KATNAL1: variants seen among roughly 807,000 people sequenced by gnomAD.
KATNAL1 encodes katanin catalytic subunit A1 like 1.
KATNAL1 carries 32 observed loss-of-function variants against 55.2 expected under a neutral mutation model. That is an observed-to-expected ratio of 0.58 (90% CI 0.44 to 0.78). The LOEUF (loss-of-function observed/expected upper bound fraction) is 0.78. Ranked by LOEUF, KATNAL1 falls within the 30% of genes least tolerant of loss-of-function variation. The pLI is 0.00. For missense variants in KATNAL1, 466 were observed against 600.9 expected (o/e 0.78, Z 2.35); for synonymous variants, 193 against 193.6 (o/e 1.00, Z 0.02).
intron 1 of KATNAL1, among the ~76,000 whole-genome samples, chr13:30,291,289 C>G (rs1428836377): frequency 3.3e-5 from 5 of 152,002 alleles, no homozygotes; most frequent in African/African-American, 7.2e-5. Context: ...TTTCCACATA[C>G]AAGAAATAAC....
intron 9 of KATNAL1, among the ~76,000 whole-genome samples, chr13:30,226,361 A>T (rs1484479156): frequency 2.6e-5 from 4 of 152,254 alleles, no homozygotes. Context: ...CCAAAAAACT[A>T]GGAATAACTT....
rs534863618 is a variant in KATNAL1, at chr13:30,206,899, T to C, written c.*1641A>G. The C allele has an allele frequency of 1.3e-5, 2 of 152,324 alleles. No homozygotes were observed. Among genetic ancestry groups the C allele is most frequent in the Non-Finnish European group, 2.9e-5 (2 of 68,018 alleles). The allele number at this position is 152,324 out of a possible 1,614,324, so 9.4% of individuals were successfully genotyped here. A position where few individuals can be genotyped will look rare whatever the true frequency, so the allele number is the denominator to read the frequency against. ...ATTACAATAAAATCATGATGTCTTA[T>C]GATCTGGCATCTTATAATCTGTGTC... On this transcript the variant is annotated 3_prime_UTR_variant, in exon 11 of 11. Coordinates refer to ENST00000380615, the MANE Select transcript of KATNAL1 (RefSeq NM_032116.5).
intron 4 of KATNAL1, among the ~76,000 whole-genome samples, chr13:30,242,737 T>C (rs946414536): frequency 6.6e-6 from 1 of 151,736 alleles, no homozygotes; most frequent in Non-Finnish European, 1.5e-5. Context: ...GCCAGTTAAA[T>C]GACCTGCCCG....
intron 3 of KATNAL1, among the ~76,000 whole-genome samples, chr13:30,279,106 T>C (rs1311825916): frequency 6.6e-6 from 1 of 152,204 alleles, no homozygotes; most frequent in East Asian, 1.9e-4. Context: ...GGTGCAATAC[T>C]CTGGCCATAA....
intron 2 of KATNAL1, among the ~76,000 whole-genome samples, 199 bp downstream of exon 2, chr13:30,283,417 C>T (rs377491015): frequency 1.3e-5 from 2 of 151,740 alleles, no homozygotes; most frequent in East Asian, 1.9e-4. Context: ...ACATCCCTCA[C>T]GAAATATATG....
chr13:30,258,449 ATTTTATTTTCAAC>A (rs1253626065), intron 3 of KATNAL1, among the ~76,000 whole-genome samples: 1 of 151,944 alleles, frequency 6.6e-6, no homozygotes, highest in Non-Finnish European at 1.5e-5. Context: ...TTATTTTTGC[ATTTTATTTTCAAC>A]TTTTATTTTA....
intron 9 of KATNAL1, among the ~76,000 whole-genome samples, chr13:30,219,700 G>C (rs929954099): frequency 6.6e-6 from 1 of 152,110 alleles, no homozygotes. Flanking sequence ...GCCCCTTGGG[G>C]AAAAAGCATT....
chr13:30,277,705 C>T (rs1008780821), intron 3 of KATNAL1, among the ~76,000 whole-genome samples: 3 of 152,072 alleles, frequency 2.0e-5, no homozygotes, highest in Admixed American at 6.5e-5. Flanking sequence ...TAATTCAGGC[C>T]GGGCACGGTG....
At chr13:30,259,472 C>A (rs1879071863) in intron 3 of KATNAL1, among the ~76,000 whole-genome samples, 1 of 152,202 alleles carries the variant, frequency 6.6e-6, no homozygotes, top group African/African-American at 2.4e-5. Context: ...GGGTTCATCT[C>A]ACTAGGGAGT....
intron 4 of KATNAL1, among the ~76,000 whole-genome samples, chr13:30,253,677 A>AAAAATGT (rs1878543511): frequency 6.6e-6 from 1 of 152,038 alleles, no homozygotes; most frequent in Non-Finnish European, 1.5e-5. Context: ...AAAAAAAAAA[A>AAAAATGT]AAAAAATGTA....
At chr13:30,222,699 G>A (rs148255357) in intron 9 of KATNAL1, among the ~76,000 whole-genome samples, 1 of 152,072 alleles carries the variant, frequency 6.6e-6, no homozygotes, top group Non-Finnish European at 1.5e-5. Context: ...TTAGCAAGGG[G>A]GGTACAGAGA....
At chr13:30,296,325 G>A (rs1032050782) in intron 1 of KATNAL1, 31 of 1,162,292 alleles carry the variant, frequency 2.7e-5, no homozygotes, top group Non-Finnish European at 3.9e-5. Context: ...GCAGTCAGCA[G>A]CCATGCCGAG....
chr13:30,234,062 G>A (rs905762013), intron 6 of KATNAL1, among the ~76,000 whole-genome samples: 9 of 152,158 alleles, frequency 5.9e-5, no homozygotes, highest in Non-Finnish European at 1.2e-4. Context: ...AGAATAATTT[G>A]AATGTTCTTA....
At chr13:30,227,174 A>C (rs1426772036) in intron 9 of KATNAL1, among the ~76,000 whole-genome samples, 1 of 152,250 alleles carries the variant, frequency 6.6e-6, no homozygotes, top group Non-Finnish European at 1.5e-5. Context: ...CAAGTTGAAA[A>C]GTGAAAACTT....
Position 30,227,511 on chromosome 13 carries a change from T to G in KATNAL1, c.1048A>C (p.Lys350Gln), listed in dbSNP as rs1235776886. The stretch of plus-strand genomic sequence containing the variant: ...GTAGCAGCCAATACCATAACCATTT[T>G]GGAAGGATCATCATTTTCTAAAGCT... ...GGALENDDPS[K>Q]MVMVLAATNF... Residue 350 changes from lysine to glutamine, a missense_variant, in exon 9 of 11, where the codon AAA becomes CAA. Lys to Gln is a moderately conservative substitution (Grantham distance 53). Coordinates refer to ENST00000380615, the MANE Select transcript of KATNAL1 (RefSeq NM_032116.5). The G allele has an allele frequency of 1.9e-6, 3 of 1,613,932 alleles. No individual in the cohort carries two copies. The highest frequency in any genetic ancestry group is 2.5e-6 in the Non-Finnish European group (3 of 1,179,854).
At chr13:30,217,078 G>A (rs1286837806) in intron 9 of KATNAL1, among the ~76,000 whole-genome samples, 1 of 152,018 alleles carries the variant, frequency 6.6e-6, no homozygotes, top group East Asian at 1.9e-4. Context: ...GATTGGTGGC[G>A]GGGGGGTGGG....
Position 30,203,938 on chromosome 13 carries a change from C to T in KATNAL1, c.*4602G>A, listed in dbSNP as rs2137318810. On this transcript the variant is annotated 3_prime_UTR_variant, in exon 11 of 11. Coordinates refer to ENST00000380615, the MANE Select transcript of KATNAL1 (RefSeq NM_032116.5). Reference sequence around the variant, plus strand: ...TAATTTAAAAGTATAAATAAGTAAACTTACAATAATTACAACAGAGTTTTT... The same window carrying T: ...TAATTTAAAAGTATAAATAAGTAAATTTACAATAATTACAACAGAGTTTTT... 1 of 152,068 alleles carries T rather than the reference C, an allele frequency of 6.6e-6. No homozygotes were observed. The highest frequency in any genetic ancestry group is 6.5e-5 in the Admixed American group (1 of 15,276). The allele number at this position is 152,068 out of a possible 1,614,324, so 9.4% of individuals were successfully genotyped here. A position where few individuals can be genotyped will look rare whatever the true frequency, so the allele number is the denominator to read the frequency against.
intron 6 of KATNAL1, among the ~76,000 whole-genome samples, chr13:30,237,099 C>A (rs1229205597): frequency 6.6e-6 from 1 of 152,200 alleles, no homozygotes. Flanking sequence ...GCACTTACCA[C>A]ATGGCCTCCA....
chr13:30,231,167 A>G (rs1876055619), intron 7 of KATNAL1, 147 bp downstream of exon 7: 2 of 554,030 alleles, frequency 3.6e-6, no homozygotes, highest in African/African-American at 1.9e-5. Context: ...AAAACCCATC[A>G]CCCCAATTCT....
Sources: gnomAD v4.1 joint callset for allele counts (sites outside exome capture counted in the v4.1 genomes callset) on GRCh38, gnomAD v4.1.1 for gene constraint, MANE v1.5 for transcripts, NCBI Gene and HGNC (gene_info 2026-07-23, HGNC 2026-07-21) for gene names.